BSN: variants seen among roughly 807,000 people sequenced by gnomAD.
BSN encodes bassoon presynaptic cytomatrix protein.
A neutral mutation model predicts 264.8 loss-of-function variants in BSN; 57 were observed. The observed-to-expected ratio is 0.22, with a 90% CI of 0.17 to 0.27. The LOEUF is 0.27. Ranked by LOEUF, BSN falls within the 10% of genes least tolerant of loss-of-function variation. BSN has a pLI of 1.00. For missense variants in BSN, 4,615 were observed against 5,232.5 expected, an observed-to-expected ratio of 0.88 and a Z score of 3.64; for synonymous variants, 2,059 against 2,137.3, an observed-to-expected ratio of 0.96 and a Z score of 1.01.
At chr3:49,633,720 A>G (rs2052399254) in intron 2 of BSN, among the ~76,000 whole-genome samples, 1 of 152,230 alleles carries the variant, frequency 6.6e-6, no homozygotes, top group South Asian at 2.1e-4. Flanking sequence ...ATATATGTAT[A>G]TACATACATA....
intron 1 of BSN, among the ~76,000 whole-genome samples, chr3:49,616,034 TG>T (rs2052257200): frequency 6.6e-6 from 1 of 152,086 alleles, no homozygotes; most frequent in Admixed American, 6.5e-5. Context: ...CTTGGGGAGG[TG>T]GGTTTTATAA....
At chr3:49,596,491 T>C (rs2052023977) in intron 1 of BSN, among the ~76,000 whole-genome samples, 1 of 152,228 alleles carries the variant, frequency 6.6e-6, no homozygotes, top group Admixed American at 6.5e-5. Flanking sequence ...TCCTACTTGA[T>C]GAGACTTTTT....
intron 1 of BSN, among the ~76,000 whole-genome samples, chr3:49,618,403 C>T (rs1285118132): frequency 6.6e-6 from 1 of 152,232 alleles, no homozygotes; most frequent in Non-Finnish European, 1.5e-5. Flanking sequence ...CCTCTTGCCA[C>T]ACAGACTATC....
At chr3:49,582,952 C>CATTCATTTATTT (rs1553659262) in intron 1 of BSN, among the ~76,000 whole-genome samples, 2 of 143,790 alleles carry the variant, frequency 1.4e-5, no homozygotes, top group South Asian at 2.2e-4. Flanking sequence ...TGGTGTATTA[C>CATTCATTTATTT]ATTTATTTAT....
intron 1 of BSN, among the ~76,000 whole-genome samples, chr3:49,587,790 G>T (rs2051947021): frequency 6.6e-6 from 1 of 152,110 alleles, no homozygotes; most frequent in African/African-American, 2.4e-5. Flanking sequence ...CTGATTGGTT[G>T]CGGGAGAGGA....
At chr3:49,606,167 T>A (rs1475933218) in intron 1 of BSN, among the ~76,000 whole-genome samples, 24 of 31,214 alleles carry the variant, frequency 7.7e-4, no homozygotes, top group African/African-American at 2.5e-3. Flanking sequence ...TATATATACA[T>A]ATATTATATA....
chr3:49,639,000 C>A lies in BSN; in HGVS notation c.634-3268C>A, dbSNP rs2052440647. On this transcript the variant is annotated intron_variant, in intron 2 of 11. Coordinates refer to ENST00000296452, the MANE Select transcript of BSN (RefSeq NM_003458.4). The surrounding 1 kb of genome is among the most constrained non-coding windows in gnomAD (Gnocchi z 4.3). Reference sequence around the variant, plus strand: ...TGAGCTTCCCCTCTGAGGAGTAATCCCCTTCCAGGGTCCCTCTCTGGATGA... The same window carrying A: ...TGAGCTTCCCCTCTGAGGAGTAATCACCTTCCAGGGTCCCTCTCTGGATGA... 6.6e-6 allele frequency among the ~76,000 whole-genome samples: 1 copy of A among 152,202 alleles called. No homozygotes were observed.
At position 49,585,625 on chromosome 3, in the gene BSN, G is replaced by T. The variant is rs888357827; in HGVS notation, c.224+30799G>T. ...CCACACCCCTCACGTTTCTTCAGCCGCCCCTGGGCGCTGCGTCTAACCCCA... is the reference window on the plus strand; with the variant it reads ...CCACACCCCTCACGTTTCTTCAGCCTCCCCTGGGCGCTGCGTCTAACCCCA... On this transcript the variant is annotated intron_variant, in intron 1 of 11. Coordinates refer to ENST00000296452, the MANE Select transcript of BSN (RefSeq NM_003458.4). The surrounding 1 kb of genome is among the most constrained non-coding windows in gnomAD (Gnocchi z 4.7). Among the ~76,000 whole-genome samples the T allele has an allele frequency of 3.9e-5, 6 of 152,190 alleles. No homozygotes were observed. Among genetic ancestry groups the T allele is most frequent in the Admixed American group, 6.5e-5 (1 of 15,282 alleles).
At chr3:49,587,078 T>G (rs1229530420) in intron 1 of BSN, among the ~76,000 whole-genome samples, 1 of 152,200 alleles carries the variant, frequency 6.6e-6, no homozygotes, top group African/African-American at 2.4e-5. Flanking sequence ...CCTCTTCAAT[T>G]TAATTCTTCA....
Position 49,625,237 on chromosome 3 carries a change from C to G in BSN, c.487C>G (p.Pro163Ala), listed in dbSNP as rs1351587293. 6.3e-7 allele frequency: 1 copy of G among 1,593,448 alleles called. No homozygotes were observed. Among genetic ancestry groups the G allele is most frequent in the Admixed American group, 1.8e-5 (1 of 55,852 alleles). Reference sequence around the variant, plus strand: ...ACCCTACTCCGTCCCTCAGATCGCCCCCCTTCCCAGCAGCACGCTGTGTCC... The same window carrying G: ...ACCCTACTCCGTCCCTCAGATCGCCGCCCTTCCCAGCAGCACGCTGTGTCC... ...TSPYSVPQIA[P>A]LPSSTLCPIC... Residue 163 changes from proline to alanine, a missense_variant, in exon 2 of 12, where the codon CCC (proline) becomes GCC (alanine). Pro to Ala is a conservative substitution (Grantham distance 27, BLOSUM62 -1). Coordinates refer to ENST00000296452, the MANE Select transcript of BSN (RefSeq NM_003458.4). This position sits in a 1 kb window ranked among gnomAD's most constrained non-coding sequence, Gnocchi z 4.4.
At chr3:49,619,282 G>A (rs574656987) in intron 1 of BSN, among the ~76,000 whole-genome samples, 1 of 152,338 alleles carries the variant, frequency 6.6e-6, no homozygotes, top group African/African-American at 2.4e-5. Context: ...TCCATTCAAT[G>A]CCAAGCGTGG....
intron 1 of BSN, among the ~76,000 whole-genome samples, chr3:49,600,375 G>C (rs1008298848): frequency 2.6e-5 from 4 of 152,172 alleles, no homozygotes; most frequent in Non-Finnish European, 4.4e-5. Context: ...TGGAAAGGAA[G>C]GCTGGACTAA....
At position 49,642,237 on chromosome 3, in the gene BSN, A is replaced by T; in HGVS notation, c.634-31A>T. ...GCCATGAGTACTGCCAATCCTGGCC[A>T]CCCTGCTGACTATTTTGCTTTTCTC... On this transcript the variant is annotated intron_variant, in intron 2 of 11. Coordinates refer to ENST00000296452, the MANE Select transcript of BSN (RefSeq NM_003458.4). The surrounding 1 kb of genome is among the most constrained non-coding windows in gnomAD (Gnocchi z 7.0). 6.7e-7 allele frequency: 1 copy of T among 1,487,166 alleles called. No homozygotes were observed. The highest frequency in any genetic ancestry group is 9.0e-7 in the Non-Finnish European group (1 of 1,115,900). The allele number at this position is 1,487,166 out of a possible 1,614,324, so 92.1% of individuals were successfully genotyped here. A position where few individuals can be genotyped will look rare whatever the true frequency, so the allele number is the denominator to read the frequency against.
intron 3 of BSN, among the ~76,000 whole-genome samples, chr3:49,643,986 G>C (rs1394351442): frequency 6.6e-6 from 1 of 152,216 alleles, no homozygotes; most frequent in Non-Finnish European, 1.5e-5. Context: ...AAGGTGCCCT[G>C]GCAGAATTAG....
At chr3:49,561,188 C>T (rs2051708949) in intron 1 of BSN, among the ~76,000 whole-genome samples, 1 of 152,194 alleles carries the variant, frequency 6.6e-6, no homozygotes, top group African/African-American at 2.4e-5. Flanking sequence ...GGCCTGGTTG[C>T]CCCTAAAGTG....
Position 49,654,356 on chromosome 3 carries a change from G to T in BSN, c.4800G>T (p.Pro1600=), listed in dbSNP as rs374334932. 6 of 1,612,744 alleles carry T rather than the reference G, an allele frequency of 3.7e-6. No individual in the cohort carries two copies. Among genetic ancestry groups the T allele is most frequent in the Non-Finnish European group, 5.1e-6 (6 of 1,179,628 alleles). Residue 1600 remains proline (P), a synonymous_variant, in exon 5 of 12, where the codon CCG becomes CCT. Transcript: ENST00000296452. The surrounding 1 kb of genome is among the most constrained non-coding windows in gnomAD (Gnocchi z 4.1). ...ATGGCTACAGCCAGACAACACCTCC[G>T]AGTGTGTCTCAGCTGCCCCCAGAGC... is the stretch of plus-strand genomic sequence containing the variant. The part of the protein sequence containing the change: ...TTHGYSQTTP[P]SVSQLPPEPP...
intron 3 of BSN, among the ~76,000 whole-genome samples, chr3:49,644,517 T>C (rs777463926): frequency 9.9e-5 from 15 of 152,130 alleles, no homozygotes; most frequent in Non-Finnish European, 2.9e-5. Context: ...ACCCATCTGG[T>C]CTTCTAGGCA....
chr3:49,633,299 C>T (rs2052395500), intron 2 of BSN, among the ~76,000 whole-genome samples: 1 of 144,046 alleles, frequency 6.9e-6, no homozygotes, highest in South Asian at 2.2e-4. Context: ...GAGACTCTGT[C>T]TCAAAAAAAA....
intron 1 of BSN, among the ~76,000 whole-genome samples, chr3:49,556,853 G>A (rs778212895): frequency 6.7e-4 from 102 of 152,208 alleles, no homozygotes; most frequent in African/African-American, 1.8e-3. Context: ...TCAGGAAAGA[G>A]CATTAGCACA....
Sources: allele counts gnomAD v4.1 joint callset (sites outside exome capture counted in the v4.1 genomes callset), GRCh38; gene constraint gnomAD v4.1.1; non-coding constraint Gnocchi (gnomAD v3.1); transcripts MANE v1.5; gene names NCBI Gene and HGNC (gene_info 2026-07-23, HGNC 2026-07-21).